Variants in GUCY1A2 observed in about 807,000 individuals in gnomAD.
GUCY1A2 encodes guanylate cyclase 1 soluble subunit alpha 2.
In GUCY1A2, 27 loss-of-function variants were observed where a neutral mutation model predicts 63.5. The ratio of observed to expected loss-of-function variants is 0.43; its 90% confidence interval spans 0.31 to 0.59. The LOEUF (loss-of-function observed/expected upper bound fraction) is 0.59. Ranked by LOEUF, GUCY1A2 falls within the 20% of genes least tolerant of loss-of-function variation. The pLI is 0.11. For synonymous variants in GUCY1A2, 364 were observed against 343.5 expected (o/e 1.06, Z -0.66); for missense variants, 768 against 913.3 (o/e 0.84, Z 2.05).
At chr11:106,797,984 T>G (rs1014514680) in intron 5 of GUCY1A2, among the ~76,000 whole-genome samples, 7 of 152,130 alleles carry the variant, frequency 4.6e-5, no homozygotes, top group Non-Finnish European at 7.4e-5. Context: ...AGGAGCTGGT[T>G]TTTTGAAAAG....
chr11:106,790,941 C>A (rs1430602429), intron 5 of GUCY1A2, among the ~76,000 whole-genome samples: 1 of 152,122 alleles, frequency 6.6e-6, no homozygotes, highest in African/African-American at 2.4e-5. Flanking sequence ...AGTTGCACTG[C>A]CTGGGGTTGA....
rs1862327557 is a variant in GUCY1A2, at chr11:106,675,338, T to C, written c.*12211A>G. 1 of 198,024 alleles carries C rather than the reference T, an allele frequency of 5.0e-6. No homozygotes were observed. The highest frequency in any genetic ancestry group is 2.3e-5 in the African/African-American group (1 of 43,254). 12.3% of individuals were successfully genotyped at this position (198,024 alleles called of 1,614,324 possible). On this transcript the variant is annotated 3_prime_UTR_variant, in exon 8 of 8. Transcript: ENST00000526355. Reference sequence around the variant, plus strand: ...CTTGAAGAAAAATCAGAAAGTATTTTTCTCCATGGACCATTATTCTATTTG... The same window carrying C: ...CTTGAAGAAAAATCAGAAAGTATTTCTCTCCATGGACCATTATTCTATTTG...
At chr11:106,788,234 GATTT>G (rs1328760375) in intron 5 of GUCY1A2, among the ~76,000 whole-genome samples, 1 of 142,344 alleles carries the variant, frequency 7.0e-6, no homozygotes, top group Non-Finnish European at 1.6e-5. Context: ...CAGATTATTA[GATTT>G]TTTTTTTTCC....
At chr11:106,691,568 A>C (rs1862626019) in intron 7 of GUCY1A2, among the ~76,000 whole-genome samples, 1 of 152,216 alleles carries the variant, frequency 6.6e-6, no homozygotes, top group Non-Finnish European at 1.5e-5. Flanking sequence ...CTATGAAGGT[A>C]CTTGTAAATG....
At chr11:106,816,167 TAAAAAAAAAA>T (rs60263721) in intron 4 of GUCY1A2, among the ~76,000 whole-genome samples, 1 of 92,016 alleles carries the variant, frequency 1.1e-5, no homozygotes, top group Admixed American at 1.2e-4. Flanking sequence ...ACTCTTTCTT[TAAAAAAAAAA>T]AAAAAAAAAA....
At chr11:106,698,002 CT>C (rs1435763142) in intron 7 of GUCY1A2, among the ~76,000 whole-genome samples, 2 of 151,800 alleles carry the variant, frequency 1.3e-5, no homozygotes, top group African/African-American at 4.8e-5. Context: ...TCCAAGTAAG[CT>C]TTTCTTTGAT....
chr11:106,736,167 T>C (rs760670717), intron 6 of GUCY1A2, among the ~76,000 whole-genome samples: 1 of 152,144 alleles, frequency 6.6e-6, no homozygotes, highest in Non-Finnish European at 1.5e-5. Context: ...TTTGCTTTGG[T>C]CACCAGTGTT....
Position 106,939,754 on chromosome 11 carries a change from G to T in GUCY1A2, c.912C>A (p.Asn304Lys), listed in dbSNP as rs763966532. The change falls in exon 4 of 8, where the codon AAC becomes AAA. Residue 304 changes from asparagine (N) to lysine (K), a missense_variant. Asn to Lys is a moderately conservative substitution (Grantham distance 94). Transcript: ENST00000526355. The stretch of plus-strand genomic sequence containing the variant: ...GAACTTGGGAGGTTCCCTGTGGAAG[G>T]TTCTTCATGATATTAGTATTTTCAC... ...KECENTNIMK[N>K]LPQGTSQVPA... 6.2e-7 allele frequency: 1 copy of T among 1,613,984 alleles called. No homozygotes were observed. Among genetic ancestry groups the T allele is most frequent in the South Asian group, 1.1e-5 (1 of 91,080 alleles).
intron 6 of GUCY1A2, among the ~76,000 whole-genome samples, chr11:106,730,045 T>C (rs1863472843): frequency 7.9e-6 from 1 of 126,172 alleles, no homozygotes; most frequent in South Asian, 2.7e-4. Context: ...AACTGCTTTC[T>C]TTAATCAGCA....
chr11:106,868,229 T>C (rs558080902), intron 4 of GUCY1A2, among the ~76,000 whole-genome samples: 21 of 152,138 alleles, frequency 1.4e-4, no homozygotes, highest in African/African-American at 4.8e-4. Context: ...AGTCATAACA[T>C]TGAATGATAA....
intron 6 of GUCY1A2, among the ~76,000 whole-genome samples, chr11:106,744,405 C>T (rs1212125536): frequency 1.3e-5 from 2 of 152,134 alleles, no homozygotes; most frequent in East Asian, 3.9e-4. Context: ...CACCACCACA[C>T]CCGGCTAATT....
intron 6 of GUCY1A2, among the ~76,000 whole-genome samples, chr11:106,709,285 A>C (rs71488224): frequency 1.8e-5 from 1 of 56,044 alleles, no homozygotes; most frequent in African/African-American, 1.3e-4. Context: ...ATATAAATTT[A>C]TATATATTTA....
intron 1 of GUCY1A2, among the ~76,000 whole-genome samples, chr11:106,998,566 T>G (rs1237676772): frequency 6.6e-6 from 1 of 152,214 alleles, no homozygotes; most frequent in East Asian, 1.9e-4. Context: ...TTCCAGCTTC[T>G]AAAAACATTT....
intron 5 of GUCY1A2, among the ~76,000 whole-genome samples, chr11:106,779,238 TTATAC>T (rs1864416286): frequency 6.6e-6 from 1 of 152,092 alleles, no homozygotes. Flanking sequence ...GAAAATAAAA[TTATAC>T]TATAAGAATA....
At chr11:106,847,832 C>T (rs1032730715) in intron 4 of GUCY1A2, among the ~76,000 whole-genome samples, 3 of 151,388 alleles carry the variant, frequency 2.0e-5, no homozygotes, top group Non-Finnish European at 4.4e-5. Context: ...TTTTGAAAAA[C>T]ACTAAAAGAA....
At chr11:106,867,384 A>G (rs530087298) in intron 4 of GUCY1A2, among the ~76,000 whole-genome samples, 97 of 152,208 alleles carry the variant, frequency 6.4e-4, no homozygotes, top group African/African-American at 2.3e-3. Flanking sequence ...AATACAAACT[A>G]TGAGCAATAG....
intron 6 of GUCY1A2, among the ~76,000 whole-genome samples, chr11:106,725,149 A>ATCCT (rs1863383199): frequency 1.7e-5 from 1 of 59,840 alleles, no homozygotes; most frequent in Non-Finnish European, 3.1e-5. Flanking sequence ...ATTGACATAA[A>ATCCT]TTCTTTTTTT....
chr11:106,715,031 A>AAACTT (rs1220081539), intron 6 of GUCY1A2, among the ~76,000 whole-genome samples: 1 of 152,218 alleles, frequency 6.6e-6, no homozygotes, highest in Non-Finnish European at 1.5e-5. Flanking sequence ...AAAAACACAA[A>AAACTT]AACTTAAGGA....
intron 5 of GUCY1A2, among the ~76,000 whole-genome samples, chr11:106,797,932 G>A (rs1016664141): frequency 1.3e-5 from 2 of 152,128 alleles, no homozygotes; most frequent in East Asian, 3.9e-4. Flanking sequence ...AGAACTGAAG[G>A]AGATAGAGAC....
Sources: allele counts gnomAD v4.1 joint callset (sites outside exome capture counted in the v4.1 genomes callset), GRCh38; gene constraint gnomAD v4.1.1; transcripts MANE v1.5; gene names NCBI Gene and HGNC (gene_info 2026-07-23, HGNC 2026-07-21).